Variants in CDK5RAP2 observed in about 807,000 individuals in gnomAD.
The protein encoded by CDK5RAP2 is CDK5 regulatory subunit-associated protein 2.
In CDK5RAP2, 147 loss-of-function variants were observed where a neutral mutation model predicts 232.9. The observed-to-expected ratio is 0.63, with a 90% CI of 0.55 to 0.72. The LOEUF (loss-of-function observed/expected upper bound fraction) is 0.72. Ranked by LOEUF, CDK5RAP2 falls within the 30% of genes least tolerant of loss-of-function variation. The pLI is 0.00. For synonymous variants in CDK5RAP2, 833 were observed against 833.7 expected, an observed-to-expected ratio of 1.00 and a Z score of 0.01; for missense variants, 2,195 against 2,231.5, an observed-to-expected ratio of 0.98 and a Z score of 0.33.
At chr9:120,459,947 C>T (rs998308191) in intron 19 of CDK5RAP2, among the ~76,000 whole-genome samples, 1 of 152,132 alleles carries the variant, frequency 6.6e-6, no homozygotes, top group African/African-American at 2.4e-5. Flanking sequence ...GAGTCTCCTA[C>T]TTATTTTATG....
rs148994381 is a variant in CDK5RAP2, at chr9:120,545,087, A to C, written c.383+627T>G. 5.1e-3 allele frequency among the ~76,000 whole-genome samples: 773 copies of C among 152,310 alleles called. 8 individuals are homozygous for C. The highest frequency in any genetic ancestry group is 0.018 in the African/African-American group (731 of 41,554). On this transcript the variant is annotated intron_variant, in intron 5 of 37. Coordinates refer to ENST00000349780, the MANE Select transcript of CDK5RAP2 (RefSeq NM_018249.6). ...TTTTTTAAGGAGGAGAACCTCTCTC[A>C]AGCAAAATATTACGAGGGTCCCTAG...
rs1343284787 is a variant in CDK5RAP2 at position 120,439,811 on chromosome 9, T to C, written c.3310A>G (p.Asn1104Asp). 1 of 1,614,174 alleles carries C rather than the reference T, an allele frequency of 6.2e-7. No homozygotes were observed. Residue 1104 changes from asparagine to aspartate, a missense_variant, in exon 24 of 38, where the codon AAT (asparagine) becomes GAT (aspartate). Transcript: ENST00000349780. Reference protein sequence around the residue: ...VMGTDQSESINTSNETEYLKQ... With the variant: ...VMGTDQSESIDTSNETEYLKQ... ...AAGTATTCTGTCTCATTTGAGGTATTAATGCTCTCTGACTGATCAGTCCCC... is the reference window on the plus strand; with the variant it reads ...AAGTATTCTGTCTCATTTGAGGTATCAATGCTCTCTGACTGATCAGTCCCC...
chr9:120,479,430 G>A (rs2038190317), intron 14 of CDK5RAP2, among the ~76,000 whole-genome samples: 1 of 152,048 alleles, frequency 6.6e-6, no homozygotes, highest in Non-Finnish European at 1.5e-5. Flanking sequence ...TAAATACAAA[G>A]GGAAAAAAGC....
At chr9:120,446,901 C>T (rs1411448667) in intron 22 of CDK5RAP2, among the ~76,000 whole-genome samples, 16 of 152,174 alleles carry the variant, frequency 1.1e-4, no homozygotes, top group Admixed American at 1.0e-3. Context: ...ATTCCCCACA[C>T]TTGAATCCTG....
intron 3 of CDK5RAP2, among the ~76,000 whole-genome samples, chr9:120,563,352 A>G (rs12555101): frequency 1.3e-5 from 2 of 152,224 alleles, no homozygotes; most frequent in Admixed American, 1.3e-4. Context: ...TCGATCACAC[A>G]GGACGGGTTC....
chr9:120,431,202 T>G (rs984900347), intron 25 of CDK5RAP2, among the ~76,000 whole-genome samples: 2 of 152,166 alleles, frequency 1.3e-5, no homozygotes, highest in Non-Finnish European at 2.9e-5. Flanking sequence ...GCATGGCACA[T>G]GTATACATAT....
Position 120,437,374 on chromosome 9 carries a change from G to C in CDK5RAP2, c.3876C>G (p.Tyr1292Ter), listed in dbSNP as rs1262861363. 1 of 1,614,124 alleles carries C rather than the reference G, an allele frequency of 6.2e-7. No individual in the cohort carries two copies. The highest frequency in any genetic ancestry group is 8.5e-7 in the Non-Finnish European group (1 of 1,179,998). ...EELLQASDVDYCVAEGFQEQL... is the reference protein window; with the variant it reads ...EELLQASDVD ...GTTCCTGGAAACCCTCGGCCACACA[G>C]TAATCCACATCACTGGCCTGCAGCA... Residue 1292 changes from tyrosine (Y) to a stop codon, truncating the protein, a stop_gained, in exon 25 of 38, where the codon TAC (tyrosine) becomes TAG (stop). Transcript: ENST00000349780. LOFTEE classifies it high-confidence loss of function.
chr9:120,499,183 A>C (rs1462144005), intron 12 of CDK5RAP2, among the ~76,000 whole-genome samples: 3 of 152,228 alleles, frequency 2.0e-5, no homozygotes, highest in Admixed American at 2.0e-4. Flanking sequence ...TTTTTAAAGC[A>C]TACTGAAATA....
intron 22 of CDK5RAP2, among the ~76,000 whole-genome samples, chr9:120,444,707 A>G (rs1209984881): frequency 3.3e-5 from 5 of 152,232 alleles, no homozygotes; most frequent in Admixed American, 3.3e-4. Flanking sequence ...AAATCCATAC[A>G]AGAAGTATCA....
intron 11 of CDK5RAP2, among the ~76,000 whole-genome samples, chr9:120,519,011 C>T (rs1253542647): frequency 2.0e-5 from 3 of 151,866 alleles, no homozygotes; most frequent in Non-Finnish European, 4.4e-5. Context: ...CCCGTCTCTA[C>T]TAAAAATACA....
chr9:120,447,809 A>G, intron 22 of CDK5RAP2, 86 bp downstream of exon 22: 1 of 997,878 alleles, frequency 1.0e-6, no homozygotes, highest in Non-Finnish European at 1.6e-6. Flanking sequence ...ACTTATTGCA[A>G]TTCTAAACAA....
intron 3 of CDK5RAP2, among the ~76,000 whole-genome samples, chr9:120,565,848 TC>T (rs763552900): frequency 2.0e-5 from 3 of 152,174 alleles, no homozygotes; most frequent in Non-Finnish European, 4.4e-5. Flanking sequence ...TGCACTATTT[TC>T]CTATCCATCT....
chr9:120,513,393 G>C (rs1258444142), intron 12 of CDK5RAP2, among the ~76,000 whole-genome samples: 3 of 151,992 alleles, frequency 2.0e-5, no homozygotes, highest in African/African-American at 7.2e-5. Flanking sequence ...TCAAGTCCAG[G>C]CTCCCAAACT....
At chr9:120,453,938 AG>A in intron 20 of CDK5RAP2, 65 bp from the exon 21 acceptor site, 1 of 1,498,706 alleles carries the variant, frequency 6.7e-7, no homozygotes, top group Non-Finnish European at 9.3e-7. Context: ...TCCCCTAGCC[AG>A]TATCCCAAGT....
intron 15 of CDK5RAP2, among the ~76,000 whole-genome samples, chr9:120,472,368 C>CT (rs551522961): frequency 1.2e-3 from 178 of 152,292 alleles, no homozygotes; most frequent in African/African-American, 4.2e-3. Flanking sequence ...GAATGTGTCT[C>CT]TGTTCTGAAC....
intron 23 of CDK5RAP2, chr9:120,440,346 C>G: frequency 3.3e-6 from 1 of 301,896 alleles, no homozygotes; most frequent in South Asian, 3.7e-5. Flanking sequence ...TCTCTGGCAC[C>G]ACTCTGGAGA....
chr9:120,502,495 CCTTTTAATTTT>C (rs1232950683), intron 12 of CDK5RAP2, among the ~76,000 whole-genome samples: 1 of 152,158 alleles, frequency 6.6e-6, no homozygotes, highest in Non-Finnish European at 1.5e-5. Flanking sequence ...CTTTTAATTT[CCTTTTAATTTT>C]TAATTCAGCT....
chr9:120,577,427 G>C (rs1359864251), intron 1 of CDK5RAP2, among the ~76,000 whole-genome samples: 1 of 152,148 alleles, frequency 6.6e-6, no homozygotes, highest in Admixed American at 6.5e-5. Context: ...TGGGAGAAGG[G>C]GGGAATAGGG....
Position 120,470,193 on chromosome 9 carries a change from T to C in CDK5RAP2, c.1886A>G (p.Gln629Arg), listed in dbSNP as rs2037614451. Reference sequence around the variant, plus strand: ...AAGGCAAATACTTAGATAAGATGTTTGATCACTATAAAGTGAAAATGATTC... The same window carrying C: ...AAGGCAAATACTTAGATAAGATGTTCGATCACTATAAAGTGAAAATGATTC... ...EEESFSLYSDQTSYLSICLEE... is the reference protein window; with the variant it reads ...EEESFSLYSDRTSYLSICLEE... Residue 629 changes from glutamine (Q) to arginine (R), a missense_variant, in exon 17 of 38, where the codon CAA (glutamine) becomes CGA (arginine). Gln to Arg is a conservative substitution (Grantham distance 43). Transcript: ENST00000349780. 4 of 1,584,482 alleles carry C rather than the reference T, an allele frequency of 2.5e-6. No individual in the cohort carries two copies. The highest frequency in any genetic ancestry group is 1.1e-5 in the South Asian group (1 of 88,874).
Sources: gnomAD v4.1 joint callset for allele counts (sites outside exome capture counted in the v4.1 genomes callset) on GRCh38, gnomAD v4.1.1 for gene constraint, MANE v1.5 for transcripts, NCBI Gene and HGNC (gene_info 2026-07-23, HGNC 2026-07-21) for gene names.